CRACR2A: variants seen among roughly 807,000 people sequenced by gnomAD.
CRACR2A encodes EF-hand calcium-binding domain-containing protein 4B.
A neutral mutation model predicts 90.5 loss-of-function variants in CRACR2A; 79 were observed. The observed-to-expected ratio is 0.87, with a 90% CI of 0.73 to 1.05. The LOEUF (loss-of-function observed/expected upper bound fraction) is 1.05. Ranked by LOEUF, CRACR2A falls within the 50% of genes least tolerant of loss-of-function variation. The pLI, the probability that CRACR2A is intolerant of heterozygous loss-of-function variation, is 0.00. For synonymous variants in CRACR2A, 338 were observed against 356.7 expected (o/e 0.95, Z 0.59); for missense variants, 823 against 897.2 (o/e 0.92, Z 1.06).
chr12:3,715,567 A>T (rs1036422061), intron 2 of CRACR2A, among the ~76,000 whole-genome samples: 6 of 152,360 alleles, frequency 3.9e-5, no homozygotes, highest in African/African-American at 1.4e-4. Context: ...AGGTCATCAG[A>T]GATGTCCCAA....
In CRACR2A at chr12:3,694,349, C is replaced by A. The variant is rs542922694; in HGVS notation, c.228+2423G>T. On this transcript the variant is annotated intron_variant, in intron 4 of 19. Coordinates refer to ENST00000440314, the MANE Select transcript of CRACR2A (RefSeq NM_001144958.2). ...TGTGTTCTCCCTCCCACATGGCCTG[C>A]AGCCTCTCCTTCCTTGAAGACCACT... Among the ~76,000 whole-genome samples the A allele has an allele frequency of 2.6e-5, 4 of 152,372 alleles. No homozygotes were observed. The South Asian group carries it at 8.3e-4, about 32-fold the overall frequency.
At chr12:3,651,718 G>A (rs1238981491) in intron 10 of CRACR2A, among the ~76,000 whole-genome samples, 1 of 152,132 alleles carries the variant, frequency 6.6e-6, no homozygotes, top group East Asian at 1.9e-4. Context: ...GCAGTAGCAC[G>A]GGGCAGCAAG....
chr12:3,693,873 T>C (rs955966137), intron 4 of CRACR2A, among the ~76,000 whole-genome samples: 2 of 152,212 alleles, frequency 1.3e-5, no homozygotes, highest in African/African-American at 4.8e-5. Context: ...TCAAACCCTC[T>C]GGGCTCTGCA....
chr12:3,726,207 T>C (rs1356790110), intron 2 of CRACR2A: 1 of 144,986 alleles, frequency 6.9e-6, no homozygotes, highest in African/African-American at 2.5e-5. Context: ...TTTATATATA[T>C]ACGTATATAC....
chr12:3,640,407 A>T, intron 13 of CRACR2A: 1 of 749,020 alleles, frequency 1.3e-6, no homozygotes, highest in Non-Finnish European at 1.8e-6. Flanking sequence ...GTGAGCATTT[A>T]ATAATGGAGA....
chr12:3,631,439 T>TC (rs745962384), intron 15 of CRACR2A, among the ~76,000 whole-genome samples: 1 of 151,932 alleles, frequency 6.6e-6, no homozygotes, highest in Non-Finnish European at 1.5e-5. Flanking sequence ...TCTCCCTGCC[T>TC]CCCCCAGACC....
At chr12:3,735,143 C>T (rs989044199) in intron 1 of CRACR2A, among the ~76,000 whole-genome samples, 30 of 152,192 alleles carry the variant, frequency 2.0e-4, no homozygotes, top group Non-Finnish European at 3.8e-4. Context: ...ATAATATACA[C>T]ATATATATCA....
intron 4 of CRACR2A, among the ~76,000 whole-genome samples, chr12:3,693,746 T>C (rs1233546543): frequency 6.6e-6 from 1 of 152,180 alleles, no homozygotes; most frequent in East Asian, 1.9e-4. Flanking sequence ...TAACATTTTT[T>C]CTTTCATTTC....
At chr12:3,671,319 TG>T (rs952662248) in intron 7 of CRACR2A, among the ~76,000 whole-genome samples, 34 of 152,172 alleles carry the variant, frequency 2.2e-4, no homozygotes, top group African/African-American at 6.8e-4. Flanking sequence ...TGATCAGTGC[TG>T]GGGTCAGAGA....
At position 3,746,921 on chromosome 12, in the gene CRACR2A, C is replaced by T. The variant is rs1381889780; in HGVS notation, c.-387+6094G>A. Among the ~76,000 whole-genome samples the T allele has an allele frequency of 6.6e-6, 1 of 152,258 alleles. No individual in the cohort carries two copies. Among genetic ancestry groups the T allele is most frequent in the Non-Finnish European group, 1.5e-5 (1 of 68,042 alleles). On this transcript the variant is annotated intron_variant, in intron 1 of 19. Transcript: ENST00000440314. The surrounding 1 kb of genome is among the most constrained non-coding windows in gnomAD (Gnocchi z 4.4). ...CTCAAAACAGGTAATGTCACCATGA[C>T]CCATGGGATCACATGTGCGTGGACC...
intron 15 of CRACR2A, among the ~76,000 whole-genome samples, chr12:3,629,292 C>T (rs2137312073): frequency 6.6e-6 from 1 of 152,284 alleles, no homozygotes; most frequent in Non-Finnish European, 1.5e-5. Context: ...TGTAGCCAGA[C>T]TCAGGGCACA....
At chr12:3,683,911 A>G (rs1945503890) in intron 4 of CRACR2A, among the ~76,000 whole-genome samples, 1 of 152,190 alleles carries the variant, frequency 6.6e-6, no homozygotes, top group Non-Finnish European at 1.5e-5. Context: ...CCAACTGCTA[A>G]TTCTCAGCAA....
chr12:3,647,105 T>C (rs1262355186), intron 11 of CRACR2A, among the ~76,000 whole-genome samples: 3 of 152,198 alleles, frequency 2.0e-5, no homozygotes, highest in Admixed American at 6.5e-5. Context: ...GTCCTTCGGA[T>C]GGCAGCCCTT....
Position 3,648,573 on chromosome 12 carries a change from C to T in CRACR2A, c.1087G>A (p.Ala363Thr), listed in dbSNP as rs1211102152. The change falls in exon 11 of 20, where the codon GCC (alanine) becomes ACC (threonine). Residue 363 changes from alanine to threonine, a missense_variant. Transcript: ENST00000440314. ...AAATCCAGCTGCTTGAGGAGCCCGGCCTTCTCACGCTGTAGACTCTCCGTC... is the reference window on the plus strand; with the variant it reads ...AAATCCAGCTGCTTGAGGAGCCCGGTCTTCTCACGCTGTAGACTCTCCGTC... ...RVTESLQREK[A>T]GLLKQLDFLR... 3.7e-6 allele frequency: 6 copies of T among 1,614,050 alleles called. No homozygotes were observed. In the African/African-American group the frequency reaches 6.7e-5, roughly 18 times the overall value.
intron 5 of CRACR2A, 119 bp from the exon 6 acceptor site, chr12:3,679,217 G>T: frequency 9.7e-7 from 1 of 1,028,622 alleles, no homozygotes; most frequent in Non-Finnish European, 1.4e-6. Flanking sequence ...GGAAGGGAAA[G>T]CCCCTCCAGC....
At position 3,615,370 on chromosome 12, in the gene CRACR2A, TTTC is replaced by T. The variant is rs1399860528; in HGVS notation, c.2178_2180del (p.Lys727del). 1.9e-6 allele frequency: 3 copies of T among 1,551,566 alleles called. No homozygotes were observed. The highest frequency in any genetic ancestry group is 4.9e-5 in the East Asian group (2 of 40,908). On this transcript the variant is annotated inframe_deletion, in exon 20 of 20. Coordinates refer to ENST00000440314, the MANE Select transcript of CRACR2A (RefSeq NM_001144958.2). ...TAGGACCCTATCAGCCACAGCAGGA[TTTC>T]TTCTTAGCAGGGTGGCCGACCTGAA...
At chr12:3,700,240 T>C (rs564751185) in intron 3 of CRACR2A, among the ~76,000 whole-genome samples, 2 of 152,278 alleles carry the variant, frequency 1.3e-5, no homozygotes, top group South Asian at 2.1e-4. Flanking sequence ...ACTTGCAAAA[T>C]TGTGCATCTG....
In CRACR2A at chr12:3,627,430, G is replaced by C. The variant is rs184502575; in HGVS notation, c.1932+6C>G. 8.3e-5 allele frequency: 128 copies of C among 1,550,132 alleles called. No homozygotes were observed. The African/African-American group carries it at 1.6e-3, about 20-fold the overall frequency. On this transcript the variant is annotated splice_donor_region_variant and intron_variant, in intron 17 of 19. Transcript: ENST00000440314. Reference sequence around the variant, plus strand: ...CTAAATGCTCCTAGGAAGGTCGCCAGCTCACCTCCACGCTGCTCAGCCACC... The same window carrying C: ...CTAAATGCTCCTAGGAAGGTCGCCACCTCACCTCCACGCTGCTCAGCCACC...
chr12:3,642,979 T>G (rs1364023112), intron 12 of CRACR2A, among the ~76,000 whole-genome samples: 3 of 152,214 alleles, frequency 2.0e-5, no homozygotes, highest in Non-Finnish European at 4.4e-5. Context: ...AATTTATCCC[T>G]TTCTTTGATT....
Sources: gnomAD v4.1 joint callset for allele counts (sites outside exome capture counted in the v4.1 genomes callset) on GRCh38, gnomAD v4.1.1 for gene constraint, Gnocchi (gnomAD v3.1) non-coding constraint, MANE v1.5 for transcripts, NCBI Gene and HGNC (gene_info 2026-07-23, HGNC 2026-07-21) for gene names.